Variants in ARB2A observed in about 807,000 individuals in gnomAD.
ARB2A encodes the protein cotranscriptional regulator ARB2A.
chr5:93,625,074 G>C, the ARB2A span, among the ~76,000 whole-genome samples: 1 of 152,112 alleles, frequency 6.6e-6, no homozygotes, highest in Non-Finnish European at 1.5e-5. Flanking sequence ...AAGCATACCT[G>C]TATCAGCCCG....
At chr5:93,768,522 T>C in the ARB2A span, among the ~76,000 whole-genome samples, 28 of 150,450 alleles carry the variant, frequency 1.9e-4, no homozygotes, top group South Asian at 5.7e-3. Context: ...TATACATACA[T>C]ATATATACAC....
chr5:94,111,584 A>T, the ARB2A span: 1 of 151,474 alleles, frequency 6.6e-6, no homozygotes, highest in Non-Finnish European at 1.5e-5. Flanking sequence ...CGCCAGTCGA[A>T]CTCCCTCGTG....
At chr5:93,781,536 C>T in the ARB2A span, among the ~76,000 whole-genome samples, 1 of 152,192 alleles carries the variant, frequency 6.6e-6, no homozygotes, top group South Asian at 2.1e-4. Context: ...ACTTATTTTG[C>T]TTCGGGTAGA....
chr5:93,900,413 C>T, the ARB2A span, among the ~76,000 whole-genome samples: 1 of 151,880 alleles, frequency 6.6e-6, no homozygotes, highest in Non-Finnish European at 1.5e-5. Context: ...GAGTTCGAGA[C>T]CAGCCTGACC....
chr5:93,807,579 A>G, the ARB2A span, among the ~76,000 whole-genome samples: 1 of 152,104 alleles, frequency 6.6e-6, no homozygotes, highest in South Asian at 2.1e-4. Context: ...TATAATGTAT[A>G]TAAAGTTAGT....
chr5:93,881,485 C>T, the ARB2A span: 3 of 1,609,794 alleles, frequency 1.9e-6, no homozygotes, highest in South Asian at 2.2e-5. Context: ...TATACAATTG[C>T]ATCATTTCTT....
chr5:93,753,479 TTTCATG>T, the ARB2A span, among the ~76,000 whole-genome samples: 1 of 152,170 alleles, frequency 6.6e-6, no homozygotes, highest in African/African-American at 2.4e-5. Flanking sequence ...TAACTTTCCA[TTTCATG>T]TTCTGATGAG....
At chr5:93,738,693 A>G in the ARB2A span, 3 of 152,254 alleles carry the variant, frequency 2.0e-5, no homozygotes, top group Non-Finnish European at 4.4e-5. Context: ...GCTAAGTGAA[A>G]TAAGCCAGAT....
At chr5:93,984,833 C>T in the ARB2A span, among the ~76,000 whole-genome samples, 1 of 152,166 alleles carries the variant, frequency 6.6e-6, no homozygotes, top group African/African-American at 2.4e-5. Flanking sequence ...TGCCTGCAGA[C>T]ATGTGACACT....
the ARB2A span, among the ~76,000 whole-genome samples, chr5:94,054,901 T>C: frequency 2.6e-5 from 4 of 152,196 alleles, no homozygotes; most frequent in East Asian, 3.9e-4. Context: ...GTTCCAGCCA[T>C]GACTATTGTA....
chr5:94,057,364 G>A, the ARB2A span, among the ~76,000 whole-genome samples: 1 of 152,168 alleles, frequency 6.6e-6, no homozygotes, highest in Non-Finnish European at 1.5e-5. Flanking sequence ...AAGTAGAACG[G>A]TGGTTGCTGA....
chr5:93,920,967 C>T, the ARB2A span, among the ~76,000 whole-genome samples: 10 of 151,686 alleles, frequency 6.6e-5, no homozygotes, highest in Non-Finnish European at 7.4e-5. Flanking sequence ...AGTGTAATAC[C>T]GGAAACTCTG....
At chr5:93,650,826 A>G in the ARB2A span, among the ~76,000 whole-genome samples, 1 of 134,446 alleles carries the variant, frequency 7.4e-6, no homozygotes, top group African/African-American at 2.8e-5. Context: ...TTTCTCTACT[A>G]AAAAAAAAAA....
the ARB2A span, chr5:93,620,726 T>C: frequency 3.9e-5 from 14 of 354,990 alleles, no homozygotes; most frequent in Non-Finnish European, 5.4e-5. Flanking sequence ...GGCAGGGCGC[T>C]GTCAGCCTTA....
chr5:93,805,451 A>C, the ARB2A span: 1 of 985,158 alleles, frequency 1.0e-6, no homozygotes, highest in Non-Finnish European at 1.2e-6. Context: ...AACATACTTC[A>C]GACTCAGATC....
At chr5:93,912,126 T>C in the ARB2A span, among the ~76,000 whole-genome samples, 4 of 151,746 alleles carry the variant, frequency 2.6e-5, no homozygotes, top group African/African-American at 9.7e-5. Context: ...ATATCGTTAT[T>C]GTCAGAGGAT....
chr5:94,048,686 C>T, the ARB2A span, among the ~76,000 whole-genome samples: 3 of 152,154 alleles, frequency 2.0e-5, no homozygotes, highest in Non-Finnish European at 2.9e-5. Flanking sequence ...TCACAGCTGA[C>T]GAACCTCAAA....
At chr5:93,741,448 G>A in the ARB2A span, 13 of 1,613,474 alleles carry the variant, frequency 8.1e-6, no homozygotes, top group Admixed American at 5.0e-5. Flanking sequence ...GCCAGGGGCC[G>A]CCTGGGTGCT....
chr5:93,711,588 G>C, the ARB2A span, among the ~76,000 whole-genome samples: 1 of 152,168 alleles, frequency 6.6e-6, no homozygotes, highest in African/African-American at 2.4e-5. Flanking sequence ...CAACTAAAAA[G>C]GTGGCAAAAT....
Sources: allele counts gnomAD v4.1 joint callset (sites outside exome capture counted in the v4.1 genomes callset), GRCh38; gene constraint gnomAD v4.1.1; transcripts MANE v1.5; gene names NCBI Gene and HGNC (gene_info 2026-07-23, HGNC 2026-07-21).